IFT172: variants seen among roughly 807,000 people sequenced by gnomAD.
IFT172 encodes intraflagellar transport 172, also known as intraflagellar transport protein 172 homolog.
Under a neutral mutation model 248.9 loss-of-function variants are expected in IFT172, and 164 were observed. The observed-to-expected ratio is 0.66, with a 90% confidence interval of 0.58 to 0.75. The LOEUF is 0.75. Ranked by LOEUF, IFT172 falls within the 30% of genes least tolerant of loss-of-function variation. IFT172 has a pLI of 0.00. For missense variants in IFT172, 1,950 were observed against 2,192.4 expected, an observed-to-expected ratio of 0.89 and a Z score of 2.21; for synonymous variants, 729 against 791.6, an observed-to-expected ratio of 0.92 and a Z score of 1.33.
chr2:27,476,923 G>A (rs577350175), intron 13 of IFT172, 197 bp from the exon 14 acceptor site: 85 of 590,180 alleles, frequency 1.4e-4, no homozygotes, highest in African/African-American at 6.4e-4. Context: ...CCCAGGCTCC[G>A]GGTGATTCTC....
intron 35 of IFT172, 71 bp downstream of exon 35, chr2:27,453,313 G>A (rs1337692292): frequency 1.3e-6 from 2 of 1,567,486 alleles, no homozygotes; most frequent in Non-Finnish European, 1.8e-6. Flanking sequence ...AGCTGAAGAT[G>A]TGAGAAGCAG....
chr2:27,454,544 C>T lies in IFT172; in HGVS notation c.3465+23G>A, dbSNP rs114648648. The T allele has an allele frequency of 1.4e-3, 2,282 of 1,612,412 alleles. 4 individuals are homozygous for T. The highest frequency in any genetic ancestry group is 3.5e-3 in the African/African-American group (262 of 74,964). On this transcript the variant is annotated intron_variant, in intron 31 of 47. Coordinates refer to ENST00000260570, the MANE Select transcript of IFT172 (RefSeq NM_015662.3). This position sits in a 1 kb window ranked among gnomAD's most constrained non-coding sequence, Gnocchi z 4.2. ...GGATGGAATAAGAGGGCTCTGCGGT[C>T]GGGGTCCAAATCACACCCATACCTC... is the stretch of plus-strand genomic sequence containing the variant.
chr2:27,466,383 T>C (rs975960381), intron 16 of IFT172, among the ~76,000 whole-genome samples: 15 of 152,134 alleles, frequency 9.9e-5, no homozygotes, highest in Non-Finnish European at 1.9e-4. Context: ...TGAAAGCAAA[T>C]GCAGTGTCAG....
At chr2:27,469,743 ACT>A (rs993004340) in intron 16 of IFT172, among the ~76,000 whole-genome samples, 13 of 151,610 alleles carry the variant, frequency 8.6e-5, no homozygotes, top group Admixed American at 8.5e-4. Context: ...GAGGCAGGAG[ACT>A]CTCTTGAATC....
At chr2:27,447,951 A>G in intron 40 of IFT172, 29 bp from the exon 41 acceptor site, 1 of 1,316,360 alleles carries the variant, frequency 7.6e-7, no homozygotes, top group Non-Finnish European at 1.1e-6. Flanking sequence ...AGGGGATCTG[A>G]GAAGGGCATA....
At chr2:27,455,770 T>C in intron 30 of IFT172, 3 of 459,928 alleles carry the variant, frequency 6.5e-6, no homozygotes, top group Non-Finnish European at 1.2e-5. Flanking sequence ...CCAGTTTGGT[T>C]TTATTGTACT....
At chr2:27,451,623 C>T (rs1665683088) in intron 35 of IFT172, among the ~76,000 whole-genome samples, 3 of 151,980 alleles carry the variant, frequency 2.0e-5, no homozygotes. Flanking sequence ...AAAATTAGCC[C>T]GGCATGATGG....
Position 27,471,105 on chromosome 2 carries a change from G to T in IFT172, c.1525-10C>A. On this transcript the variant is annotated splice_polypyrimidine_tract_variant and intron_variant, in intron 15 of 47. Transcript: ENST00000260570. ...TATCATACAGATGCAACTGAAGAAA[G>T]AAAAGGCAGGTAACACAATTACAAG... 1.9e-6 allele frequency: 3 copies of T among 1,604,168 alleles called. No homozygotes were observed. Among genetic ancestry groups the T allele is most frequent in the Non-Finnish European group, 2.5e-6 (3 of 1,177,688 alleles).
intron 47 of IFT172, 30 bp downstream of exon 47, chr2:27,444,984 G>A: frequency 6.2e-7 from 1 of 1,602,162 alleles, no homozygotes; most frequent in Non-Finnish European, 8.5e-7. Flanking sequence ...TGCCCTCTCT[G>A]CCTTCATTCT....
chr2:27,485,223 G>A, intron 2 of IFT172, 93 bp from the exon 3 acceptor site: 2 of 1,466,602 alleles, frequency 1.4e-6, no homozygotes, highest in Non-Finnish European at 1.9e-6. Flanking sequence ...TGCTCCTAAG[G>A]GAGCTTGAGG....
chr2:27,468,422 T>A (rs543040832), intron 16 of IFT172, among the ~76,000 whole-genome samples: 41 of 151,840 alleles, frequency 2.7e-4, no homozygotes, highest in African/African-American at 9.9e-4. Flanking sequence ...TTAGTAGAGA[T>A]GCGGTTTCGC....
rs1016223182 is a variant in IFT172, at chr2:27,449,149, C to G, written c.4312-118G>C. 3.4e-6 allele frequency: 4 copies of G among 1,180,074 alleles called. No individual in the cohort carries two copies. The Admixed American group carries it at 6.8e-5, about 20-fold the overall frequency. The allele number at this position is 1,180,074 out of a possible 1,614,324, so 73.1% of individuals were successfully genotyped here. A position where few individuals can be genotyped will look rare whatever the true frequency, so the allele number is the denominator to read the frequency against. On this transcript the variant is annotated intron_variant, in intron 39 of 47. Coordinates refer to ENST00000260570, the MANE Select transcript of IFT172 (RefSeq NM_015662.3). ...AAAGGGTGTACGCAAACCTCTGACC[C>G]CAGTTTCAGACTGAGCTTCTCTGAT...
intron 16 of IFT172, 42 bp downstream of exon 16, chr2:27,470,886 C>T: frequency 1.3e-6 from 2 of 1,494,296 alleles, no homozygotes; most frequent in African/African-American, 1.4e-5. Context: ...TCTAATTAAT[C>T]AGCTCAATAC....
chr2:27,461,471 A>G lies in IFT172; in HGVS notation c.2240T>C (p.Leu747Pro). 1 of 1,614,124 alleles carries G rather than the reference A, an allele frequency of 6.2e-7. No individual in the cohort carries two copies. The highest frequency in any genetic ancestry group is 1.1e-5 in the South Asian group (1 of 91,080). The change falls in exon 22 of 48, where the codon CTG becomes CCG. Residue 747 changes from leucine to proline, a missense_variant. By Grantham distance (98) the Leu-to-Pro change is moderately conservative. Transcript: ENST00000260570. ...TCGCTCCTCTTGCTGTGTGTCCATCAGCCACTGGTAGTAACTACGACGTAG... is the reference window on the plus strand; with the variant it reads ...TCGCTCCTCTTGCTGTGTGTCCATCGGCCACTGGTAGTAACTACGACGTAG... ...EKLRRSYYQW[L>P]MDTQQEERAG...
chr2:27,463,295 G>T, intron 18 of IFT172, 114 bp from the exon 19 acceptor site: 1 of 954,932 alleles, frequency 1.0e-6, no homozygotes, highest in Non-Finnish European at 1.6e-6. Flanking sequence ...CCAATGTCTT[G>T]TCACTGGAGA....
intron 3 of IFT172, 104 bp downstream of exon 3, chr2:27,484,914 C>T (rs1668645353): frequency 1.4e-6 from 1 of 736,372 alleles, no homozygotes; most frequent in Non-Finnish European, 2.4e-6. Flanking sequence ...CTTCAATGGC[C>T]AAGCTTGGCT....
rs75472728 is a variant in IFT172 at position 27,459,870 on chromosome 2, G to A, written c.2522-41C>T. The A allele has an allele frequency of 4.1e-3, 6,640 of 1,603,428 alleles. 239 individuals carry two copies. The African/African-American group carries it at 0.076, about 18-fold the overall frequency. ...AAGATGCTCAGCCCAGATTTCCAGG[G>A]ATGGGCCTCAGGAAAAAGGTAGGAC... On this transcript the variant is annotated intron_variant, in intron 23 of 47. Transcript: ENST00000260570.
intron 1 of IFT172, among the ~76,000 whole-genome samples, chr2:27,488,656 A>G (rs1668937263): frequency 6.6e-6 from 1 of 152,138 alleles, no homozygotes; most frequent in Non-Finnish European, 1.5e-5. Context: ...TCAGTTTACA[A>G]TGCTCTTTTG....
At chr2:27,464,141 G>A (rs1248857543) in intron 18 of IFT172, among the ~76,000 whole-genome samples, 1 of 152,200 alleles carries the variant, frequency 6.6e-6, no homozygotes, top group Non-Finnish European at 1.5e-5. Flanking sequence ...CAAGGATGGA[G>A]ACATCAGGAT....
Sources: allele counts gnomAD v4.1 joint callset (sites outside exome capture counted in the v4.1 genomes callset), GRCh38; gene constraint gnomAD v4.1.1; non-coding constraint Gnocchi (gnomAD v3.1); transcripts MANE v1.5; gene names NCBI Gene and HGNC (gene_info 2026-07-23, HGNC 2026-07-21).